Variants in PEX1 observed in about 807,000 individuals in gnomAD.
PEX1 encodes the protein peroxisomal biogenesis factor 1, also known as peroxisomal ATPase PEX1.
PEX1 carries 97 observed loss-of-function variants against 152.5 expected under a neutral mutation model. The observed-to-expected ratio is 0.64, with a 90% CI of 0.54 to 0.75. The LOEUF is 0.75. Ranked by LOEUF, PEX1 falls within the 30% of genes least tolerant of loss-of-function variation. PEX1 has a pLI of 0.00. For missense variants in PEX1, 1,357 were observed against 1,516.3 expected, an observed-to-expected ratio of 0.89 and a Z score of 1.74; for synonymous variants, 485 against 531.6, an observed-to-expected ratio of 0.91 and a Z score of 1.21.
chr7:92,522,326 A>C (rs1303642776), intron 1 of PEX1, 81 bp from the exon 2 acceptor site: 2 of 1,355,814 alleles, frequency 1.5e-6, no homozygotes, highest in African/African-American at 2.9e-5. Flanking sequence ...TATTATTACA[A>C]TTCACATGTC....
Position 92,493,092 on chromosome 7 carries a change from G to A in PEX1, c.3068C>T (p.Ser1023Phe), listed in dbSNP as rs547203417. ...GTCAACATCATCTGCCAGAGGTAGA[G>A]AGTCACTGAGGACATTTAAAATTTC... The part of the protein sequence containing the change: ...RLEILNVLSD[S>F]LPLADDVDLQ... The change falls in exon 20 of 24, where the codon TCT becomes TTT. Residue 1023 changes from serine (S) to phenylalanine (F), a missense_variant. Physicochemically the swap from Ser to Phe is radical, Grantham distance 155 (BLOSUM62 -2). Transcript: ENST00000248633. 2.5e-6 allele frequency: 4 copies of A among 1,612,034 alleles called. No individual in the cohort carries two copies. Among genetic ancestry groups the A allele is most frequent in the Non-Finnish European group, 3.4e-6 (4 of 1,178,282 alleles).
intron 20 of PEX1, among the ~76,000 whole-genome samples, chr7:92,491,836 G>C (rs755078766): frequency 2.0e-5 from 3 of 152,078 alleles, no homozygotes; most frequent in Admixed American, 6.5e-5. Flanking sequence ...CCATGTTATA[G>C]AGTGCTTTCT....
At position 92,517,420 on chromosome 7, in the gene PEX1, T is replaced by C; in HGVS notation, c.1095A>G (p.Leu365=). The stretch of plus-strand genomic sequence containing the variant: ...GATCTGACCTAATTTTTTTTTGATC[T>C]AGTGGCTCTGACATCTGCTTCTCTT... The part of the protein sequence containing the change: ...PEKEKQMSEP[L]DQKKIRSDHN... The change falls in exon 5 of 24, where the codon CTA becomes CTG. Residue 365 remains leucine (L), a synonymous_variant. Transcript: ENST00000248633. The C allele has an allele frequency of 6.2e-7, 1 of 1,614,010 alleles. No individual in the cohort carries two copies. The highest frequency in any genetic ancestry group is 8.5e-7 in the Non-Finnish European group (1 of 1,179,992).
At chr7:92,519,618 T>C (rs976883192) in intron 2 of PEX1, among the ~76,000 whole-genome samples, 5 of 152,182 alleles carry the variant, frequency 3.3e-5, no homozygotes, top group Admixed American at 1.3e-4. Context: ...TGATCTAATA[T>C]ATAAATATTC....
chr7:92,495,534 T>C (rs1418868304), intron 17 of PEX1, among the ~76,000 whole-genome samples: 1 of 152,226 alleles, frequency 6.6e-6, no homozygotes, highest in Non-Finnish European at 1.5e-5. Flanking sequence ...TCTTTTTTGC[T>C]CAATTTTGGT....
chr7:92,504,144 C>T (rs1013214174), intron 12 of PEX1, among the ~76,000 whole-genome samples: 2 of 152,024 alleles, frequency 1.3e-5, no homozygotes, highest in African/African-American at 2.4e-5. Flanking sequence ...TCCCACCTCA[C>T]CCCCAGTTTA....
chr7:92,494,759 A>G, intron 17 of PEX1, 130 bp from the exon 18 acceptor site: 1 of 485,590 alleles, frequency 2.1e-6, no homozygotes, highest in Non-Finnish European at 3.2e-6. Flanking sequence ...AATTTTTACA[A>G]CAAACCCTTA....
rs79003837 is a variant in PEX1 at position 92,506,659 on chromosome 7, A to G, written c.1804-315T>C. 2.2e-3 allele frequency: 1,084 copies of G among 496,186 alleles called. 12 individuals carry two copies. The highest frequency in any genetic ancestry group is 0.019 in the African/African-American group (970 of 51,930). 30.7% of individuals were successfully genotyped at this position (496,186 alleles called of 1,614,324 possible). Reference sequence around the variant, plus strand: ...GAATGATACACCACAACTACGTGGTATTTATCACAGGTATGCAAGGCTGGT... The same window carrying G: ...GAATGATACACCACAACTACGTGGTGTTTATCACAGGTATGCAAGGCTGGT... On this transcript the variant is annotated intron_variant, in intron 10 of 23. Coordinates refer to ENST00000248633, the MANE Select transcript of PEX1 (RefSeq NM_000466.3).
chr7:92,489,081 A>G (rs990710796), intron 23 of PEX1, among the ~76,000 whole-genome samples: 3 of 152,248 alleles, frequency 2.0e-5, no homozygotes, highest in Admixed American at 2.0e-4. Context: ...TTCAAATATA[A>G]TCAAATGAAC....
intron 1 of PEX1, among the ~76,000 whole-genome samples, chr7:92,527,825 G>A (rs1270063479): frequency 1.3e-5 from 2 of 152,256 alleles, no homozygotes; most frequent in African/African-American, 4.8e-5. Flanking sequence ...CAGCGACGCA[G>A]GGCAGAACCA....
chr7:92,528,374 A>G lies in PEX1; in HGVS notation c.62T>C (p.Phe21Ser). 5.7e-6 allele frequency: 9 copies of G among 1,592,762 alleles called. No homozygotes were observed. The highest frequency in any genetic ancestry group is 2.3e-5 in the East Asian group (1 of 43,852). ...GAGGAAGCAGTCGCGAGCGTTGGTG[A>G]AGGCCACAGTCACTGCCGCCCCGCC... is the stretch of plus-strand genomic sequence containing the variant. ...GGGGAAVTVA[F>S]TNARDCFLHL... The change falls in exon 1 of 24, where the codon TTC becomes TCC. Residue 21 changes from phenylalanine (F) to serine (S), a missense_variant. By Grantham distance (155) the Phe-to-Ser change is radical. Coordinates refer to ENST00000248633, the MANE Select transcript of PEX1 (RefSeq NM_000466.3).
rs1383361108 is a variant in PEX1 at position 92,489,290 on chromosome 7, T to TAC, written c.3767+1_3767+2dup. 3 of 1,613,258 alleles carry TAC rather than the reference T, an allele frequency of 1.9e-6. No homozygotes were observed. In the African/African-American group the frequency reaches 4.0e-5, roughly 21 times the overall value. ...TACTTCCAAAACAGAATCTGTTACT[T>TAC]ACAGCTCAGCAAAATTCTTCCAGTC... On this transcript the variant is annotated splice_region_variant and intron_variant, in intron 23 of 23. Coordinates refer to ENST00000248633, the MANE Select transcript of PEX1 (RefSeq NM_000466.3).
At chr7:92,519,315 C>T (rs931528818) in intron 2 of PEX1, among the ~76,000 whole-genome samples, 1 of 151,846 alleles carries the variant, frequency 6.6e-6, no homozygotes, top group Non-Finnish European at 1.5e-5. Context: ...GCCTGGAAAC[C>T]CTGGGCTCAA....
intron 21 of PEX1, 36 bp from the exon 22 acceptor site, chr7:92,489,947 AAG>A (rs1468470759): frequency 6.5e-7 from 1 of 1,529,042 alleles, no homozygotes; most frequent in South Asian, 1.1e-5. Context: ...AGATGGAAGG[AAG>A]AGGGGGAGAG....
chr7:92,512,887 T>C (rs1792544708), intron 6 of PEX1, among the ~76,000 whole-genome samples: 1 of 152,128 alleles, frequency 6.6e-6, no homozygotes, highest in South Asian at 2.1e-4. Flanking sequence ...CACCTCAGCT[T>C]CCCAAAGTGC....
Position 92,487,482 on chromosome 7 carries a change from G to T in PEX1, c.3827C>A (p.Pro1276His). Residue 1276 changes from proline to histidine, a missense_variant, in exon 24 of 24, where the codon CCT becomes CAT. Pro to His is a moderately conservative substitution (Grantham distance 77). Coordinates refer to ENST00000248633, the MANE Select transcript of PEX1 (RefSeq NM_000466.3). ...TTATGCTAAAGTTACTTTCTGTCCA[G>T]GTCGAAACATTGTTCCACTTTGATT... The part of the protein sequence containing the change: ...RKNQSGTMFR[P>H]GQKVTLA 6.3e-7 allele frequency: 1 copy of T among 1,593,194 alleles called. No homozygotes were observed. The highest frequency in any genetic ancestry group is 8.6e-7 in the Non-Finnish European group (1 of 1,164,326).
In PEX1 at chr7:92,491,270, A is replaced by G; in HGVS notation, c.3438+2T>C. 2 of 1,576,896 alleles carry G rather than the reference A, an allele frequency of 1.3e-6. No individual in the cohort carries two copies. The highest frequency in any genetic ancestry group is 1.7e-6 in the Non-Finnish European group (2 of 1,146,054). The stretch of plus-strand genomic sequence containing the variant: ...CTGTATAATGATGACTGCACAAGAT[A>G]CCAAATCAGAAGAGGTTCCATTTCC... On this transcript the variant is annotated splice_donor_variant, in intron 21 of 23. Coordinates refer to ENST00000248633, the MANE Select transcript of PEX1 (RefSeq NM_000466.3). LOFTEE classifies it high-confidence loss of function.
At chr7:92,522,333 T>G in intron 1 of PEX1, 88 bp from the exon 2 acceptor site, 3 of 1,318,268 alleles carry the variant, frequency 2.3e-6, no homozygotes, top group Admixed American at 3.5e-5. Context: ...ACAATTCACA[T>G]GTCCAAAAAG....
intron 15 of PEX1, among the ~76,000 whole-genome samples, chr7:92,501,008 A>G (rs1254517073): frequency 2.0e-5 from 3 of 152,212 alleles, no homozygotes; most frequent in African/African-American, 7.2e-5. Context: ...CTTTACTACA[A>G]TTTGAATGAT....
Sources: allele counts gnomAD v4.1 joint callset (sites outside exome capture counted in the v4.1 genomes callset), GRCh38; gene constraint gnomAD v4.1.1; transcripts MANE v1.5; gene names NCBI Gene and HGNC (gene_info 2026-07-23, HGNC 2026-07-21).